ANKRD31: variants seen among roughly 807,000 people sequenced by gnomAD.
The protein encoded by ANKRD31 is ankyrin repeat domain 31.
ANKRD31 carries 147 observed loss-of-function variants against 186.0 expected under a neutral mutation model. That is an observed-to-expected ratio of 0.79 (90% CI 0.69 to 0.91). The LOEUF is 0.91. Among genes scored for constraint, ANKRD31 ranks in the 40% least tolerant of loss-of-function variants. The pLI is 0.00. For missense variants in ANKRD31, 1,986 were observed against 2,148.8 expected (o/e 0.92, Z 1.50); for synonymous variants, 673 against 736.4 (o/e 0.91, Z 1.39).
In ANKRD31 at chr5:75,236,570, T is replaced by C; in HGVS notation, c.104+13A>G. 1 of 1,536,172 alleles carries C rather than the reference T, an allele frequency of 6.5e-7. No individual in the cohort carries two copies. The highest frequency in any genetic ancestry group is 8.7e-7 in the Non-Finnish European group (1 of 1,146,290). On this transcript the variant is annotated intron_variant, in intron 1 of 25. Coordinates refer to ENST00000506364, the MANE Select transcript of ANKRD31 (RefSeq NM_001372053.1). ...CGCGAGGGTTCAGGCACTGTGGCCCTAATGATGGTCACCTTCTCCAGGGCA... is the reference window on the plus strand; with the variant it reads ...CGCGAGGGTTCAGGCACTGTGGCCCCAATGATGGTCACCTTCTCCAGGGCA...
chr5:75,133,532 A>C (rs896998044), intron 17 of ANKRD31, among the ~76,000 whole-genome samples: 2 of 152,236 alleles, frequency 1.3e-5, no homozygotes, highest in Non-Finnish European at 2.9e-5. Context: ...TTAGTGTACT[A>C]CAAAGAGACT....
chr5:75,097,081 C>G lies in ANKRD31; in HGVS notation c.5332-5680G>C, dbSNP rs144304676. Among the ~76,000 whole-genome samples, 1,256 of 152,216 alleles carry G rather than the reference C, an allele frequency of 8.3e-3. 30 individuals carry two copies. The highest frequency in any genetic ancestry group is 0.028 in the African/African-American group (1,165 of 41,522). ...TCATTGATGGACATTTGGGTTAGTT[C>G]CAAGTCTTTGCTATTGTGAATAGTG... is the stretch of plus-strand genomic sequence containing the variant. On this transcript the variant is annotated intron_variant, in intron 22 of 25. Transcript: ENST00000506364.
At chr5:75,230,303 G>C (rs1757873147) in intron 2 of ANKRD31, among the ~76,000 whole-genome samples, 1 of 152,210 alleles carries the variant, frequency 6.6e-6, no homozygotes, top group African/African-American at 2.4e-5. Flanking sequence ...TTTCTTGAAT[G>C]TATGTATAGC....
In ANKRD31 at chr5:75,196,599, T is replaced by C. The variant is rs1051143566; in HGVS notation, c.448-399A>G. 2.6e-5 allele frequency among the ~76,000 whole-genome samples: 4 copies of C among 152,224 alleles called. No homozygotes were observed. In the East Asian group the frequency reaches 5.8e-4, roughly 22 times the overall value. On this transcript the variant is annotated intron_variant, in intron 6 of 25. Transcript: ENST00000506364. ...TTGCCAAAATGTCCTATTTGATTTA[T>C]AAAATTATTAACTAGGAATAAAATT...
Position 75,162,675 on chromosome 5 carries a change from C to T in ANKRD31, c.1707+6304G>A, listed in dbSNP as rs1367425280. On this transcript the variant is annotated intron_variant, in intron 11 of 25. Transcript: ENST00000506364. ...CCAAATCTCCTCTTGAATTGTACTC[C>T]CATAATTCCCATGTGCTGTGGGAGG... Among the ~76,000 whole-genome samples the T allele has an allele frequency of 3.4e-4, 52 of 151,980 alleles. 1 individual carries two copies.
At chr5:75,213,906 AT>A (rs1248077205) in intron 3 of ANKRD31, among the ~76,000 whole-genome samples, 1 of 152,130 alleles carries the variant, frequency 6.6e-6, no homozygotes, top group Non-Finnish European at 1.5e-5. Context: ...AGCCCAACCA[AT>A]CCTGGCTCTC....
intron 1 of ANKRD31, among the ~76,000 whole-genome samples, chr5:75,232,179 A>G (rs902080404): frequency 1.3e-5 from 2 of 152,178 alleles, no homozygotes; most frequent in African/African-American, 4.8e-5. Flanking sequence ...TAAACCATCT[A>G]CTGATGTTCC....
intron 17 of ANKRD31, among the ~76,000 whole-genome samples, chr5:75,124,545 T>C (rs977944380): frequency 1.3e-5 from 2 of 152,126 alleles, no homozygotes; most frequent in Non-Finnish European, 2.9e-5. Context: ...TGTCCACCAG[T>C]GGATGACCGG....
At chr5:75,168,867 G>T in intron 11 of ANKRD31, 112 bp downstream of exon 11, 2 of 1,035,864 alleles carry the variant, frequency 1.9e-6, no homozygotes, top group Non-Finnish European at 2.7e-6. Context: ...GTATTCATTA[G>T]CAGAATGAAA....
chr5:75,207,809 C>G (rs1421853132), intron 4 of ANKRD31, among the ~76,000 whole-genome samples: 1 of 151,888 alleles, frequency 6.6e-6, no homozygotes, highest in Non-Finnish European at 1.5e-5. Context: ...TTAGTCTTTT[C>G]TTTTTTTATT....
intron 23 of ANKRD31, among the ~76,000 whole-genome samples, chr5:75,088,486 C>T (rs971997078): frequency 7.9e-5 from 12 of 152,208 alleles, no homozygotes; most frequent in African/African-American, 2.4e-4. Flanking sequence ...GATTTTCATC[C>T]TGCAACTGTA....
rs1338151326 is a variant in ANKRD31, at chr5:75,194,794, T to G, written c.1017+837A>C. ...GGCATTATATATAATATAATCCCAT[T>G]AGTATAAAATGAACTAATATAGAAT... On this transcript the variant is annotated intron_variant, in intron 7 of 25. Transcript: ENST00000506364. Among the ~76,000 whole-genome samples the G allele has an allele frequency of 3.3e-5, 5 of 152,198 alleles. No individual in the cohort carries two copies. In the East Asian group the frequency reaches 9.6e-4, roughly 29 times the overall value.
Position 75,192,847 on chromosome 5 carries a change from T to G in ANKRD31, c.1299-71A>C. 3.5e-6 allele frequency: 4 copies of G among 1,154,616 alleles called. No individual in the cohort carries two copies. In the South Asian group the frequency reaches 5.7e-5, roughly 16 times the overall value. 71.5% of individuals were successfully genotyped at this position (1,154,616 alleles called of 1,614,324 possible). A position where few individuals can be genotyped will look rare whatever the true frequency, so the allele number is the denominator to read the frequency against. On this transcript the variant is annotated intron_variant, in intron 8 of 25. Coordinates refer to ENST00000506364, the MANE Select transcript of ANKRD31 (RefSeq NM_001372053.1). ...AACATTCACAGAGAATTATACCAAT[T>G]TTTGAATACAATATTAAAACTCCAG... is the stretch of plus-strand genomic sequence containing the variant.
intron 5 of ANKRD31, among the ~76,000 whole-genome samples, chr5:75,202,516 C>A (rs1446887164): frequency 6.6e-6 from 1 of 152,098 alleles, no homozygotes; most frequent in East Asian, 1.9e-4. Flanking sequence ...AGAAATAATT[C>A]TAAAGCATCA....
intron 22 of ANKRD31, 93 bp from the exon 23 acceptor site, chr5:75,091,494 T>C (rs1745919029): frequency 2.6e-6 from 3 of 1,143,164 alleles, no homozygotes; most frequent in South Asian, 1.6e-5. Flanking sequence ...AGGGACCACA[T>C]ATACCCTAAC....
rs754550301 is a variant in ANKRD31 at position 75,112,496 on chromosome 5, T to A, written c.4243+17A>T. ...GGTATCTGAAAATATCATACTTGAG[T>A]ATGAGTCTATATTTACCTGCATCTT... On this transcript the variant is annotated intron_variant, in intron 20 of 25. Coordinates refer to ENST00000506364, the MANE Select transcript of ANKRD31 (RefSeq NM_001372053.1). 2 of 1,417,096 alleles carry A rather than the reference T, an allele frequency of 1.4e-6. No homozygotes were observed. Among genetic ancestry groups the A allele is most frequent in the South Asian group, 1.3e-5 (1 of 77,348 alleles). The allele number at this position is 1,417,096 out of a possible 1,614,324, so 87.8% of individuals were successfully genotyped here. A position where few individuals can be genotyped will look rare whatever the true frequency, so the allele number is the denominator to read the frequency against.
intron 3 of ANKRD31, among the ~76,000 whole-genome samples, chr5:75,216,050 G>C (rs1756940219): frequency 6.6e-6 from 1 of 152,076 alleles, no homozygotes; most frequent in African/African-American, 2.4e-5. Context: ...GGATATAAAA[G>C]AAAGTTAAAG....
At chr5:75,224,624 C>T (rs1416743949) in intron 2 of ANKRD31, among the ~76,000 whole-genome samples, 1 of 152,002 alleles carries the variant, frequency 6.6e-6, no homozygotes, top group African/African-American at 2.4e-5. Context: ...TTGAGCCCTA[C>T]CTTTCCCATA....
rs73763037 is a variant in ANKRD31, at chr5:75,225,201, A to G, written c.179-2843T>C. Among the ~76,000 whole-genome samples, 822 of 152,312 alleles carry G rather than the reference A, an allele frequency of 5.4e-3. 12 individuals are homozygous for G. Among genetic ancestry groups the G allele is most frequent in the African/African-American group, 0.019 (795 of 41,556 alleles). ...AGGAAAAAATCAGAAAAGCAGGCAA[A>G]GGTATAAGTATTAATATTTTCATAT... On this transcript the variant is annotated intron_variant, in intron 2 of 25. Coordinates refer to ENST00000506364, the MANE Select transcript of ANKRD31 (RefSeq NM_001372053.1).
Sources: allele counts gnomAD v4.1 joint callset (sites outside exome capture counted in the v4.1 genomes callset), GRCh38; gene constraint gnomAD v4.1.1; transcripts MANE v1.5; gene names NCBI Gene and HGNC (gene_info 2026-07-23, HGNC 2026-07-21).